Variants in AUTS2 observed in about 807,000 individuals in gnomAD.
AUTS2 encodes autism susceptibility gene 2 protein.
AUTS2 carries 17 observed loss-of-function variants against 112.4 expected under a neutral mutation model. The observed-to-expected ratio is 0.15, with a 90% CI of 0.10 to 0.23. The LOEUF is 0.23. AUTS2 is among the 10% of genes least tolerant of loss of function. The pLI, the probability that AUTS2 is intolerant of heterozygous loss-of-function variation, is 1.00. For synonymous variants in AUTS2, 751 were observed against 702.7 expected (o/e 1.07, Z -1.09); for missense variants, 1,510 against 1,701.6 (o/e 0.89, Z 1.98).
At chr7:69,648,072 G>A (rs768681047) in intron 1 of AUTS2, among the ~76,000 whole-genome samples, 1 of 151,974 alleles carries the variant, frequency 6.6e-6, no homozygotes, top group Non-Finnish European at 1.5e-5. Context: ...ACATACTGAG[G>A]GTTAGGGCTT....
At chr7:70,432,503 T>C (rs1795714458) in intron 4 of AUTS2, among the ~76,000 whole-genome samples, 1 of 152,136 alleles carries the variant, frequency 6.6e-6, no homozygotes, top group African/African-American at 2.4e-5. Context: ...CAGCCTCCCT[T>C]TTTCATAAAG....
At chr7:70,269,586 A>G (rs1787589384) in intron 4 of AUTS2, among the ~76,000 whole-genome samples, 1 of 152,220 alleles carries the variant, frequency 6.6e-6, no homozygotes, top group South Asian at 2.1e-4. Context: ...TTTCCTGCCT[A>G]CAAAATGAAG....
At chr7:70,423,769 G>C (rs1482370879) in intron 4 of AUTS2, among the ~76,000 whole-genome samples, 2 of 152,100 alleles carry the variant, frequency 1.3e-5, no homozygotes, top group Non-Finnish European at 2.9e-5. Context: ...ACTTCGTTGA[G>C]AGGGAATGAT....
At chr7:70,523,868 G>A (rs1347894457) in intron 5 of AUTS2, among the ~76,000 whole-genome samples, 2 of 152,180 alleles carry the variant, frequency 1.3e-5, no homozygotes, top group African/African-American at 4.8e-5. Flanking sequence ...CTAGAGGGTG[G>A]CTTAGATCTT....
At chr7:69,910,223 T>A (rs770069636) in intron 2 of AUTS2, among the ~76,000 whole-genome samples, 9 of 152,232 alleles carry the variant, frequency 5.9e-5, no homozygotes, top group Non-Finnish European at 1.3e-4. Context: ...CATGGGATCC[T>A]TGGGATGTCA....
chr7:69,826,586 T>G (rs1791256447), intron 1 of AUTS2, among the ~76,000 whole-genome samples: 1 of 152,236 alleles, frequency 6.6e-6, no homozygotes, highest in Admixed American at 6.5e-5. Context: ...CATTTGCCTC[T>G]GTAGAGCACA....
At chr7:70,303,434 G>GCGCACGCACACACACACACA (rs1241517255) in intron 4 of AUTS2, among the ~76,000 whole-genome samples, 1 of 141,948 alleles carries the variant, frequency 7.0e-6, no homozygotes, top group Non-Finnish European at 1.6e-5. Flanking sequence ...GCGCGCGCGC[G>GCGCACGCACACACACACACA]CACATACACA....
At chr7:70,671,564 G>C (rs1322611060) in intron 5 of AUTS2, among the ~76,000 whole-genome samples, 1 of 152,188 alleles carries the variant, frequency 6.6e-6, no homozygotes, top group Admixed American at 6.5e-5. Context: ...CTATTCCCCT[G>C]CATTTCAGAA....
At chr7:69,625,974 A>G (rs1392823548) in intron 1 of AUTS2, among the ~76,000 whole-genome samples, 1 of 152,214 alleles carries the variant, frequency 6.6e-6, no homozygotes, top group African/African-American at 2.4e-5. Flanking sequence ...TTGTGGTGTG[A>G]AGGAATGGCA....
chr7:69,851,413 C>G (rs977213995), intron 1 of AUTS2, among the ~76,000 whole-genome samples: 1 of 152,082 alleles, frequency 6.6e-6, no homozygotes, highest in African/African-American at 2.4e-5. Flanking sequence ...ATGATGAATA[C>G]TTTTATTTTT....
chr7:70,239,131 C>G (rs1812476433), intron 4 of AUTS2, among the ~76,000 whole-genome samples: 1 of 152,094 alleles, frequency 6.6e-6, no homozygotes, highest in African/African-American at 2.4e-5. Context: ...CCTAAACAAT[C>G]AGAGCCTCTC....
intron 6 of AUTS2, among the ~76,000 whole-genome samples, chr7:70,737,228 C>T (rs962091387): frequency 2.0e-5 from 3 of 152,142 alleles, no homozygotes; most frequent in African/African-American, 7.2e-5. Flanking sequence ...CTGGAGTGTT[C>T]TGGTTACATT....
At chr7:70,358,747 G>C (rs1159484551) in intron 4 of AUTS2, among the ~76,000 whole-genome samples, 1 of 152,226 alleles carries the variant, frequency 6.6e-6, no homozygotes, top group Non-Finnish European at 1.5e-5. Flanking sequence ...GGGCCAAGAA[G>C]GATCCCCTTA....
chr7:70,004,578 A>T (rs1283742759), intron 2 of AUTS2, among the ~76,000 whole-genome samples: 2 of 151,102 alleles, frequency 1.3e-5, no homozygotes, highest in Admixed American at 6.6e-5. Flanking sequence ...GATCAGAAAG[A>T]GTTTCTGACT....
At chr7:70,667,861 C>T (rs547925605) in intron 5 of AUTS2, among the ~76,000 whole-genome samples, 91 of 152,344 alleles carry the variant, frequency 6.0e-4, no homozygotes, top group Middle Eastern at 3.4e-3. Context: ...GCCACCATTG[C>T]GGTCTTTGGA....
At chr7:70,123,545 C>T (rs971697561) in intron 3 of AUTS2, among the ~76,000 whole-genome samples, 5 of 152,120 alleles carry the variant, frequency 3.3e-5, no homozygotes, top group African/African-American at 1.2e-4. Context: ...GTTTCCCTCT[C>T]TGTGTTCATA....
At chr7:70,511,966 C>A (rs1348989586) in intron 5 of AUTS2, among the ~76,000 whole-genome samples, 1 of 152,154 alleles carries the variant, frequency 6.6e-6, no homozygotes, top group African/African-American at 2.4e-5. Context: ...TACCTGAACC[C>A]CACCCAACTT....
intron 5 of AUTS2, among the ~76,000 whole-genome samples, chr7:70,581,013 G>C (rs1802408797): frequency 6.6e-6 from 1 of 152,182 alleles, no homozygotes; most frequent in South Asian, 2.1e-4. Flanking sequence ...GGGAGGCCAA[G>C]ACAGGAGGAT....
intron 1 of AUTS2, among the ~76,000 whole-genome samples, chr7:69,810,993 G>T (rs992464802): frequency 2.6e-5 from 4 of 152,204 alleles, no homozygotes; most frequent in Admixed American, 6.5e-5. Flanking sequence ...AATGGAGGTT[G>T]CCAGGAGGAT....
Sources: gnomAD v4.1 joint callset for allele counts (sites outside exome capture counted in the v4.1 genomes callset) on GRCh38, gnomAD v4.1.1 for gene constraint, MANE v1.5 for transcripts, NCBI Gene and HGNC (gene_info 2026-07-23, HGNC 2026-07-21) for gene names.